Variants in ATRNL1 observed in about 807,000 individuals in gnomAD.
ATRNL1 encodes the protein attractin like 1, also known as attractin-like protein 1.
ATRNL1 carries 95 observed loss-of-function variants against 182.7 expected under a neutral mutation model. The ratio of observed to expected loss-of-function variants is 0.52; its 90% CI spans 0.44 to 0.62. The LOEUF (loss-of-function observed/expected upper bound fraction) is 0.62. ATRNL1 is among the 20% of genes least tolerant of loss of function. The pLI, the probability that ATRNL1 is intolerant of heterozygous loss-of-function variation, is 0.00. For missense variants in ATRNL1, 1,471 were observed against 1,679.5 expected (o/e 0.88, Z 2.17); for synonymous variants, 576 against 568.3 (o/e 1.01, Z -0.19).
intron 26 of ATRNL1, among the ~76,000 whole-genome samples, chr10:115,601,873 T>C (rs1433760018): frequency 6.6e-6 from 1 of 152,204 alleles, no homozygotes; most frequent in African/African-American, 2.4e-5. Context: ...TGTAATTATC[T>C]ATACTATGTG....
intron 27 of ATRNL1, among the ~76,000 whole-genome samples, chr10:115,795,802 G>A (rs1949640117): frequency 6.6e-6 from 1 of 152,116 alleles, no homozygotes; most frequent in African/African-American, 2.4e-5. Context: ...CCACCCCCAT[G>A]ATCCAATCAC....
In ATRNL1 at chr10:115,557,954, A is replaced by G. The variant is rs1229581475; in HGVS notation, c.3795+8418A>G. Among the ~76,000 whole-genome samples, 3 of 151,972 alleles carry G rather than the reference A, an allele frequency of 2.0e-5. 1 individual carries two copies. In the South Asian group the frequency reaches 6.2e-4, roughly 32 times the overall value. ...CAAGTACTTGGGAGGCTGAGGCAGG[A>G]GAATTGCTTGAACCCAGGAGGCAGA... On this transcript the variant is annotated intron_variant, in intron 26 of 28. Coordinates refer to ENST00000355044, the MANE Select transcript of ATRNL1 (RefSeq NM_207303.4).
At chr10:115,481,637 A>T (rs1346470366) in intron 24 of ATRNL1, among the ~76,000 whole-genome samples, 2 of 150,790 alleles carry the variant, frequency 1.3e-5, no homozygotes, top group Non-Finnish European at 3.0e-5. Context: ...TTTTACTATC[A>T]TTTTATTAGT....
chr10:115,664,176 C>A lies in ATRNL1; in HGVS notation c.3796-63072C>A, dbSNP rs11197392. Among the ~76,000 whole-genome samples, 550 of 152,262 alleles carry A rather than the reference C, an allele frequency of 3.6e-3. 3 individuals are homozygous for A. The highest frequency in any genetic ancestry group is 6.8e-3 in the Non-Finnish European group (460 of 68,016). Reference sequence around the variant, plus strand: ...CCCACAGCTTCTGTGGCTGGCTTCTCCAGAACTTTCTAACTCCCTATACCA... The same window carrying A: ...CCCACAGCTTCTGTGGCTGGCTTCTACAGAACTTTCTAACTCCCTATACCA... On this transcript the variant is annotated intron_variant, in intron 26 of 28. Transcript: ENST00000355044.
chr10:115,118,536 G>A (rs1223371914), intron 1 of ATRNL1, among the ~76,000 whole-genome samples: 1 of 152,062 alleles, frequency 6.6e-6, no homozygotes, highest in Non-Finnish European at 1.5e-5. Context: ...CTAACCTACA[G>A]TTGAGGTAAA....
At chr10:115,814,203 A>C (rs1950111839) in intron 27 of ATRNL1, among the ~76,000 whole-genome samples, 1 of 152,164 alleles carries the variant, frequency 6.6e-6, no homozygotes, top group Non-Finnish European at 1.5e-5. Flanking sequence ...TTAGGGAGCA[A>C]ATATGAAAGT....
intron 17 of ATRNL1, among the ~76,000 whole-genome samples, chr10:115,308,887 G>C (rs782784568): frequency 6.6e-6 from 1 of 152,088 alleles, no homozygotes; most frequent in Non-Finnish European, 1.5e-5. Context: ...TATGGTTTCA[G>C]GTGTTAGATT....
chr10:115,169,175 G>T (rs1847182382), intron 7 of ATRNL1, among the ~76,000 whole-genome samples: 2 of 146,954 alleles, frequency 1.4e-5, no homozygotes, highest in South Asian at 4.4e-4. Context: ...CTATTCCATT[G>T]ATTTATCCCA....
intron 8 of ATRNL1, among the ~76,000 whole-genome samples, chr10:115,199,670 G>C (rs1848487139): frequency 6.6e-6 from 1 of 151,940 alleles, no homozygotes; most frequent in Admixed American, 6.6e-5. Context: ...TTAGGTACAT[G>C]AATAGCAACG....
chr10:115,797,348 A>G (rs1555083204), intron 27 of ATRNL1, among the ~76,000 whole-genome samples: 1 of 152,078 alleles, frequency 6.6e-6, no homozygotes. Flanking sequence ...TGGCCTTTCG[A>G]ATAGTGTTTT....
intron 25 of ATRNL1, among the ~76,000 whole-genome samples, chr10:115,527,834 C>T (rs987307773): frequency 1.6e-5 from 2 of 122,444 alleles, no homozygotes; most frequent in Admixed American, 8.0e-5. Context: ...TCCTCCCTTC[C>T]TCCCTCCCTC....
At chr10:115,532,808 C>G (rs1283436593) in intron 25 of ATRNL1, among the ~76,000 whole-genome samples, 3 of 151,950 alleles carry the variant, frequency 2.0e-5, no homozygotes, top group Non-Finnish European at 4.4e-5. Flanking sequence ...CCATCAATAC[C>G]TAATTTATTG....
intron 26 of ATRNL1, among the ~76,000 whole-genome samples, chr10:115,598,344 A>T (rs530214345): frequency 0.016 from 1,082 of 66,278 alleles, 14 homozygotes; most frequent in African/African-American, 0.059. Flanking sequence ...TTATTTATTT[A>T]AAAAAATTAT....
rs573869261 is a variant in ATRNL1 at position 115,896,919 on chromosome 10, G to A, written c.4019-47739G>A. 3.0e-3 allele frequency among the ~76,000 whole-genome samples: 457 copies of A among 152,152 alleles called. 2 individuals carry two copies. The highest frequency in any genetic ancestry group is 4.6e-3 in the Non-Finnish European group (315 of 67,982). ...ATTTTTACAAACTTGTAATAGGGAGGACCCACAAAGAAAAAGACTAATCGC... is the reference window on the plus strand; with the variant it reads ...ATTTTTACAAACTTGTAATAGGGAGAACCCACAAAGAAAAAGACTAATCGC... On this transcript the variant is annotated intron_variant, in intron 28 of 28. Coordinates refer to ENST00000355044, the MANE Select transcript of ATRNL1 (RefSeq NM_207303.4).
intron 18 of ATRNL1, among the ~76,000 whole-genome samples, chr10:115,325,952 A>G (rs900350648): frequency 1.3e-5 from 2 of 152,052 alleles, no homozygotes; most frequent in African/African-American, 4.8e-5. Flanking sequence ...TTGTTACAGT[A>G]ACCCATTTCT....
At chr10:115,140,741 G>A (rs1429854946) in intron 5 of ATRNL1, among the ~76,000 whole-genome samples, 1 of 152,178 alleles carries the variant, frequency 6.6e-6, no homozygotes, top group African/African-American at 2.4e-5. Context: ...TCTCATATAA[G>A]GATTGAAGTT....
intron 8 of ATRNL1, among the ~76,000 whole-genome samples, chr10:115,212,082 G>T (rs2144382738): frequency 6.6e-6 from 1 of 150,838 alleles, no homozygotes; most frequent in African/African-American, 2.4e-5. Context: ...TTGTTATGTG[G>T]CTGTATTGCA....
intron 19 of ATRNL1, among the ~76,000 whole-genome samples, chr10:115,336,977 C>T (rs1271065365): frequency 6.2e-5 from 1 of 16,100 alleles, no homozygotes; most frequent in African/African-American, 1.2e-4. Context: ...TCCCAAGTAG[C>T]TGGGGGGGGG....
intron 28 of ATRNL1, among the ~76,000 whole-genome samples, chr10:115,922,191 G>C (rs1032698970): frequency 2.6e-5 from 4 of 152,152 alleles, no homozygotes; most frequent in Admixed American, 6.5e-5. Context: ...GTTTGACATT[G>C]TCTGAGTAAG....
Sources: allele counts gnomAD v4.1 joint callset (sites outside exome capture counted in the v4.1 genomes callset), GRCh38; gene constraint gnomAD v4.1.1; transcripts MANE v1.5; gene names NCBI Gene and HGNC (gene_info 2026-07-23, HGNC 2026-07-21).